FHIT: variants seen among roughly 807,000 people sequenced by gnomAD.
FHIT encodes bis(5'-adenosyl)-triphosphatase.
A neutral mutation model predicts 17.9 loss-of-function variants in FHIT; 19 were observed. That is an observed-to-expected ratio of 1.06 (90% CI 0.74 to 1.56). The LOEUF (loss-of-function observed/expected upper bound fraction) is 1.56. FHIT is among the 40% of genes most tolerant of loss of function. The pLI is 0.00. For missense variants in FHIT, 248 were observed against 189.2 expected, an observed-to-expected ratio of 1.31 and a Z score of -1.82; for synonymous variants, 81 against 69.7, an observed-to-expected ratio of 1.16 and a Z score of -0.81.
chr3:60,824,935 AG>A (rs1553740506), intron 3 of FHIT, among the ~76,000 whole-genome samples: 1 of 152,222 alleles, frequency 6.6e-6, no homozygotes, highest in African/African-American at 2.4e-5. Context: ...TGTCTTTATC[AG>A]CAGCATGAAA....
intron 5 of FHIT, among the ~76,000 whole-genome samples, chr3:60,259,703 G>A (rs981647462): frequency 6.6e-6 from 1 of 152,030 alleles, no homozygotes; most frequent in African/African-American, 2.4e-5. Flanking sequence ...CTTGCCCAGG[G>A]ACTTGCAGAC....
chr3:60,234,871 T>C (rs1261339126), intron 5 of FHIT, among the ~76,000 whole-genome samples: 2 of 152,134 alleles, frequency 1.3e-5, no homozygotes, highest in African/African-American at 4.8e-5. Flanking sequence ...ACTTTAATCC[T>C]TCTTTGAGAT....
At chr3:60,067,412 A>T (rs1267296006) in intron 5 of FHIT, among the ~76,000 whole-genome samples, 1 of 152,198 alleles carries the variant, frequency 6.6e-6, no homozygotes, top group South Asian at 2.1e-4. Flanking sequence ...CCTTTCCCCT[A>T]AAGAAAGATA....
intron 3 of FHIT, among the ~76,000 whole-genome samples, chr3:61,017,770 T>C (rs186579664): frequency 6.6e-5 from 10 of 152,330 alleles, no homozygotes; most frequent in Admixed American, 5.2e-4. Flanking sequence ...CATAAAGACA[T>C]TGATTTATTC....
At chr3:60,648,354 AT>A (rs752487926) in intron 4 of FHIT, among the ~76,000 whole-genome samples, 29 of 152,212 alleles carry the variant, frequency 1.9e-4, no homozygotes, top group South Asian at 8.3e-4. Flanking sequence ...TCCAACTTGT[AT>A]TTTTCTAACA....
At chr3:60,178,439 A>G (rs915675168) in intron 5 of FHIT, among the ~76,000 whole-genome samples, 10 of 151,930 alleles carry the variant, frequency 6.6e-5, no homozygotes, top group African/African-American at 9.7e-5. Flanking sequence ...TACAAAAATT[A>G]CCTGGGTGTT....
At chr3:59,805,017 G>A (rs924582399) in intron 8 of FHIT, among the ~76,000 whole-genome samples, 2 of 152,074 alleles carry the variant, frequency 1.3e-5, no homozygotes, top group East Asian at 1.9e-4. Context: ...GAGCTAAGGC[G>A]GCCATTCTGT....
chr3:60,357,451 G>C (rs1322346586), intron 5 of FHIT, among the ~76,000 whole-genome samples: 4 of 152,068 alleles, frequency 2.6e-5, no homozygotes, highest in Non-Finnish European at 5.9e-5. Flanking sequence ...CGCTATGTTG[G>C]TCAGACTGGT....
At chr3:60,479,896 G>A (rs2033528373) in intron 5 of FHIT, among the ~76,000 whole-genome samples, 1 of 152,156 alleles carries the variant, frequency 6.6e-6, no homozygotes, top group African/African-American at 2.4e-5. Context: ...CATGAAACCA[G>A]TCCCTGGTGC....
At chr3:60,904,711 G>T (rs969014659) in intron 3 of FHIT, among the ~76,000 whole-genome samples, 4 of 152,018 alleles carry the variant, frequency 2.6e-5, no homozygotes, top group Non-Finnish European at 4.4e-5. Flanking sequence ...GGAGGCTGAG[G>T]TGGGTGGATC....
chr3:60,799,260 C>T (rs2251704), intron 4 of FHIT, among the ~76,000 whole-genome samples: 58,314 of 151,998 alleles, frequency 0.38, 12,927 homozygotes, highest in East Asian at 0.78. Context: ...CTGCAACCTC[C>T]ACCTCCCAGG....
chr3:59,839,754 C>A (rs147667132), intron 8 of FHIT, among the ~76,000 whole-genome samples: 558 of 152,182 alleles, frequency 3.7e-3, no homozygotes, highest in African/African-American at 0.012. Flanking sequence ...TGTTTCCTTA[C>A]CAGGATTCAG....
At chr3:61,102,388 C>T (rs974228459) in intron 2 of FHIT, among the ~76,000 whole-genome samples, 16 of 152,194 alleles carry the variant, frequency 1.1e-4, no homozygotes, top group African/African-American at 3.9e-4. Flanking sequence ...ACCAGCCTTA[C>T]ATCCTAGGGT....
At chr3:61,131,712 T>G (rs767013205) in intron 2 of FHIT, among the ~76,000 whole-genome samples, 12 of 152,212 alleles carry the variant, frequency 7.9e-5, no homozygotes, top group Non-Finnish European at 1.6e-4. Context: ...AGCAACATCC[T>G]GACAATTCTG....
At chr3:60,318,594 A>G (rs927600423) in intron 5 of FHIT, among the ~76,000 whole-genome samples, 43 of 152,200 alleles carry the variant, frequency 2.8e-4, no homozygotes, top group African/African-American at 9.9e-4. Flanking sequence ...CAAGACCACA[A>G]TGACTGACAT....
intron 5 of FHIT, among the ~76,000 whole-genome samples, chr3:60,114,352 T>C (rs1216110974): frequency 6.6e-6 from 1 of 151,498 alleles, no homozygotes; most frequent in Non-Finnish European, 1.5e-5. Flanking sequence ...AATAGCATCA[T>C]GTTTTCAAAC....
chr3:60,117,795 G>C (rs1400227304), intron 5 of FHIT, among the ~76,000 whole-genome samples: 1 of 136,898 alleles, frequency 7.3e-6, no homozygotes, highest in Non-Finnish European at 1.7e-5. Context: ...GAGGCCACCA[G>C]TGAAAAGGAA....
chr3:60,117,491 A>G (rs1013324070), intron 5 of FHIT, among the ~76,000 whole-genome samples: 10 of 113,866 alleles, frequency 8.8e-5, no homozygotes, highest in Non-Finnish European at 1.6e-4. Flanking sequence ...ATTACTTCCT[A>G]TCTAAAAAAA....
At chr3:60,157,974 G>A (rs146395740) in intron 5 of FHIT, among the ~76,000 whole-genome samples, 123 of 152,188 alleles carry the variant, frequency 8.1e-4, no homozygotes, top group East Asian at 1.4e-3. Context: ...TTCCTTGTTC[G>A]GTTCCTGAAA....
Sources: gnomAD v4.1 joint callset for allele counts (sites outside exome capture counted in the v4.1 genomes callset) on GRCh38, gnomAD v4.1.1 for gene constraint, MANE v1.5 for transcripts, NCBI Gene and HGNC (gene_info 2026-07-23, HGNC 2026-07-21) for gene names.